ITGA11: variants seen among roughly 807,000 people sequenced by gnomAD.
ITGA11 encodes the protein integrin subunit alpha 11.
In ITGA11, 97 loss-of-function variants were observed where a neutral mutation model predicts 141.9. The ratio of observed to expected loss-of-function variants is 0.68; its 90% CI spans 0.58 to 0.81. ITGA11 has a LOEUF of 0.81. ITGA11 is among the 30% of genes least tolerant of loss of function. ITGA11 has a pLI of 0.00. For synonymous variants in ITGA11, 658 were observed against 624.6 expected (o/e 1.05, Z -0.80); for missense variants, 1,387 against 1,559.2 (o/e 0.89, Z 1.86).
intron 18 of ITGA11, among the ~76,000 whole-genome samples, chr15:68,323,274 G>A (rs762465310): frequency 1.1e-4 from 17 of 152,238 alleles, no homozygotes; most frequent in African/African-American, 2.6e-4. Context: ...GGGGCTTTAC[G>A]GCATTCTAGC....
intron 10 of ITGA11, among the ~76,000 whole-genome samples, chr15:68,342,983 C>T (rs1041253684): frequency 2.0e-5 from 3 of 150,300 alleles, no homozygotes; most frequent in Admixed American, 2.0e-4. Flanking sequence ...AGCTGTGTGA[C>T]CCTGGGCAAG....
chr15:68,365,059 T>C (rs1895375455), intron 3 of ITGA11: 1 of 851,120 alleles, frequency 1.2e-6, no homozygotes. Flanking sequence ...GAGCCTTCTA[T>C]CTCCTAGCCC....
In ITGA11 at chr15:68,328,192, C is replaced by A; in HGVS notation, c.1972G>T (p.Asp658Tyr). 1 of 1,613,926 alleles carries A rather than the reference C, an allele frequency of 6.2e-7. No individual in the cohort carries two copies. Among genetic ancestry groups the A allele is most frequent in the South Asian group, 1.1e-5 (1 of 91,074 alleles). ...EPSKINIFHRDCKRSGRDATC... is the reference protein window; with the variant it reads ...EPSKINIFHRYCKRSGRDATC... ...GCATCCCTGCCACTGCGCTTGCAGT[C>A]TCTGTGGAAGATGTTGATCTTGGAT... The change falls in exon 16 of 30, where the codon GAC (aspartate) becomes TAC (tyrosine). Residue 658 changes from aspartate to tyrosine, a missense_variant. Physicochemically the swap from Asp to Tyr is radical, Grantham distance 160 (BLOSUM62 -3). Transcript: ENST00000315757. The surrounding 1 kb of genome is among the most constrained non-coding windows in gnomAD (Gnocchi z 4.8).
intron 5 of ITGA11, among the ~76,000 whole-genome samples, chr15:68,359,749 T>TA (rs144783175): frequency 6.6e-6 from 1 of 152,026 alleles, no homozygotes; most frequent in South Asian, 2.1e-4. Context: ...TAACAAATAT[T>TA]AAAAAAACCC....
intron 1 of ITGA11, among the ~76,000 whole-genome samples, chr15:68,419,864 G>T (rs1268416806): frequency 1.3e-5 from 2 of 152,156 alleles, no homozygotes; most frequent in African/African-American, 4.8e-5. Context: ...TATCATCCGG[G>T]TGATCTTGGC....
intron 7 of ITGA11, among the ~76,000 whole-genome samples, chr15:68,356,890 TCAGCCAA>T (rs1895086830): frequency 6.6e-6 from 1 of 152,148 alleles, no homozygotes; most frequent in Non-Finnish European, 1.5e-5. Context: ...ACCTGAGCTC[TCAGCCAA>T]CAGCCAACAA....
At chr15:68,332,231 T>C in intron 13 of ITGA11, 107 bp downstream of exon 13, 1 of 1,373,940 alleles carries the variant, frequency 7.3e-7, no homozygotes, top group South Asian at 1.4e-5. Context: ...TCCCCAGGCC[T>C]GGCTCCAGCA....
intron 12 of ITGA11, among the ~76,000 whole-genome samples, chr15:68,334,440 A>C (rs1894280036): frequency 6.6e-6 from 1 of 152,192 alleles, no homozygotes; most frequent in South Asian, 2.1e-4. Flanking sequence ...GGTCTGTCTG[A>C]CACCCTGGCT....
chr15:68,300,750 T>C lies in ITGA11; in HGVS notation c.*2309A>G, dbSNP rs1465437758. On this transcript the variant is annotated 3_prime_UTR_variant, in exon 30 of 30. Transcript: ENST00000315757. ...TGTGGAGTTCTGGAATAAGGGCTGC[T>C]TGCCTCTGACCGAGAGTCCAGAGGT... 1.3e-5 allele frequency: 2 copies of C among 152,102 alleles called. No homozygotes were observed. Among genetic ancestry groups the C allele is most frequent in the Non-Finnish European group, 2.9e-5 (2 of 68,020 alleles). 9.4% of individuals were successfully genotyped at this position (152,102 alleles called of 1,614,324 possible).
intron 2 of ITGA11, among the ~76,000 whole-genome samples, chr15:68,381,276 T>C (rs1895855430): frequency 1.3e-5 from 2 of 152,206 alleles, no homozygotes; most frequent in Admixed American, 1.3e-4. Flanking sequence ...GATTCTGTTT[T>C]GTGGCCAGCT....
chr15:68,351,883 G>T lies in ITGA11; in HGVS notation c.750-481C>A, dbSNP rs572879848. On this transcript the variant is annotated intron_variant, in intron 7 of 29. Coordinates refer to ENST00000315757, the MANE Select transcript of ITGA11 (RefSeq NM_001004439.2). ...AGATCAACTGAGGTTGGGAGTTCGA[G>T]ACTAGCCTGACTAACATGTCGAAAC... 2.3e-4 allele frequency among the ~76,000 whole-genome samples: 35 copies of T among 152,186 alleles called. 4 individuals carry two copies. The South Asian group carries it at 6.6e-3, about 29-fold the overall frequency.
In ITGA11 at chr15:68,430,505, C is replaced by T. The variant is rs558534354; in HGVS notation, c.52+1510G>A. Among the ~76,000 whole-genome samples, 12 of 152,348 alleles carry T rather than the reference C, an allele frequency of 7.9e-5. No homozygotes were observed. In the East Asian group the frequency reaches 1.9e-3, roughly 25 times the overall value. Reference sequence around the variant, plus strand: ...TGCTCTTAGCTTCCTGAGGTCCAGGCTGTCCCTAGCCCCTAAGGCAGCCAC... The same window carrying T: ...TGCTCTTAGCTTCCTGAGGTCCAGGTTGTCCCTAGCCCCTAAGGCAGCCAC... On this transcript the variant is annotated intron_variant, in intron 1 of 29. Coordinates refer to ENST00000315757, the MANE Select transcript of ITGA11 (RefSeq NM_001004439.2).
chr15:68,303,098 C>T lies in ITGA11; in HGVS notation c.3528G>A (p.Arg1176=). The part of the protein sequence containing the change: ...LGFFRSARRR[R]EPGLDPTPKV... ...TGGGGGTGGGGTCCAGACCAGGCTCCCTCCTGCGCCTGGCACTTCTAAAGA... is the reference window on the plus strand; with the variant it reads ...TGGGGGTGGGGTCCAGACCAGGCTCTCTCCTGCGCCTGGCACTTCTAAAGA... The change falls in exon 30 of 30, where the codon AGG becomes AGA. Residue 1176 remains arginine (R), a synonymous_variant. Coordinates refer to ENST00000315757, the MANE Select transcript of ITGA11 (RefSeq NM_001004439.2). This position sits in a 1 kb window ranked among gnomAD's most constrained non-coding sequence, Gnocchi z 5.3. 2 of 1,550,910 alleles carry T rather than the reference C, an allele frequency of 1.3e-6. No individual in the cohort carries two copies. The highest frequency in any genetic ancestry group is 1.7e-6 in the Non-Finnish European group (2 of 1,147,020).
At chr15:68,385,671 C>A (rs1224791229) in intron 2 of ITGA11, among the ~76,000 whole-genome samples, 1 of 152,030 alleles carries the variant, frequency 6.6e-6, no homozygotes, top group African/African-American at 2.4e-5. Flanking sequence ...GTGAACTGAC[C>A]CTTGGGTAGT....
At chr15:68,363,142 G>T (rs11632959) in intron 4 of ITGA11, among the ~76,000 whole-genome samples, 1 of 152,168 alleles carries the variant, frequency 6.6e-6, no homozygotes, top group Non-Finnish European at 1.5e-5. Flanking sequence ...AGACAGATGG[G>T]TAGATGAATG....
rs758412470 is a variant in ITGA11, at chr15:68,328,295, G to A, written c.1902-33C>T. The A allele has an allele frequency of 6.2e-7, 1 of 1,601,530 alleles. No individual in the cohort carries two copies. Among genetic ancestry groups the A allele is most frequent in the Non-Finnish European group, 8.5e-7 (1 of 1,171,784 alleles). On this transcript the variant is annotated intron_variant, in intron 15 of 29. Coordinates refer to ENST00000315757, the MANE Select transcript of ITGA11 (RefSeq NM_001004439.2). This position sits in a 1 kb window ranked among gnomAD's most constrained non-coding sequence, Gnocchi z 4.8. ...AGAAGGGCCAGTGAGCTGGGGTGGG[G>A]CAGGGGCTCAGGCTGCCCTGCTGTG... is the stretch of plus-strand genomic sequence containing the variant.
intron 2 of ITGA11, among the ~76,000 whole-genome samples, chr15:68,401,095 T>C (rs369780937): frequency 1.3e-5 from 2 of 149,128 alleles, no homozygotes; most frequent in African/African-American, 5.0e-5. Context: ...GGCCATTAAA[T>C]TTATGAAAAG....
In ITGA11 at chr15:68,326,558, G is replaced by A; in HGVS notation, c.2211+96C>T. On this transcript the variant is annotated intron_variant, in intron 17 of 29. Transcript: ENST00000315757. The surrounding 1 kb of genome is among the most constrained non-coding windows in gnomAD (Gnocchi z 6.8). ...TGGCTGGCTTCCTGAGGTCTGCTGG[G>A]GGCTTAGAACCAGCCAGGCAGACTC... 7.3e-7 allele frequency: 1 copy of A among 1,376,548 alleles called. No individual in the cohort carries two copies. The highest frequency in any genetic ancestry group is 1.4e-5 in the African/African-American group (1 of 69,330). The allele number at this position is 1,376,548 out of a possible 1,614,324, so 85.3% of individuals were successfully genotyped here.
At chr15:68,340,437 A>T (rs996541835) in intron 10 of ITGA11, among the ~76,000 whole-genome samples, 12 of 152,126 alleles carry the variant, frequency 7.9e-5, no homozygotes, top group African/African-American at 2.7e-4. Flanking sequence ...GGCTGGAGAG[A>T]GCACGGAACC....
Sources: allele counts gnomAD v4.1 joint callset (sites outside exome capture counted in the v4.1 genomes callset), GRCh38; gene constraint gnomAD v4.1.1; non-coding constraint Gnocchi (gnomAD v3.1); transcripts MANE v1.5; gene names NCBI Gene and HGNC (gene_info 2026-07-23, HGNC 2026-07-21).